The following IRAK1BP1 variants were observed in gnomAD, a reference collection of about 807,000 sequenced individuals.
IRAK1BP1 encodes interleukin-1 receptor-associated kinase 1-binding protein 1.
Under a neutral mutation model 28.0 loss-of-function variants are expected in IRAK1BP1, and 24 were observed. The observed-to-expected ratio is 0.86, with a 90% CI of 0.62 to 1.20. The LOEUF (loss-of-function observed/expected upper bound fraction) is 1.20. Ranked by LOEUF, IRAK1BP1 falls within the 50% of genes most tolerant of loss-of-function variation. The probability of loss-of-function intolerance (pLI) is 0.00; values close to 1 mark genes in which losing one functional copy is unlikely to be tolerated. For missense variants in IRAK1BP1, 336 were observed against 316.7 expected, an observed-to-expected ratio of 1.06 and a Z score of -0.46; for synonymous variants, 131 against 116.3, an observed-to-expected ratio of 1.13 and a Z score of -0.81.
At chr6:78,970,281 G>C in the IRAK1BP1 span, 1 of 853,446 alleles carries the variant, frequency 1.2e-6, no homozygotes, top group Non-Finnish European at 1.8e-6. Flanking sequence ...TGATCTGGAT[G>C]GTGATGACTG....
rs139059762 is a variant in IRAK1BP1 at position 78,876,862 on chromosome 6, C to T, written c.316-8516C>T. Among the ~76,000 whole-genome samples the T allele has an allele frequency of 5.6e-3, 850 of 152,274 alleles. 6 individuals are homozygous for T. Among genetic ancestry groups the T allele is most frequent in the African/African-American group, 0.02 (823 of 41,546 alleles). ...CAGATGTCCCCTAGGGCAAAATCATCTGGTGGAGAACCACTGCCCTATAGA... is the reference window on the plus strand; with the variant it reads ...CAGATGTCCCCTAGGGCAAAATCATTTGGTGGAGAACCACTGCCCTATAGA... On this transcript the variant is annotated intron_variant, in intron 1 of 3. Transcript: ENST00000369940.
At position 78,940,880 on chromosome 6, in the gene IRAK1BP1, T is replaced by C. The variant is rs765592130; in HGVS notation, c.*68-4528T>C. The C allele has an allele frequency of 1.4e-5, 22 of 1,613,874 alleles. No individual in the cohort carries two copies. The East Asian group carries it at 1.6e-4, about 11-fold the overall frequency. On this transcript the variant is annotated intron_variant and NMD_transcript_variant, in intron 4 of 4. Transcript: ENST00000606868. ...AGTTCTCATGTGGGGTTCAGAGCCT[T>C]TGAGTTCTTCAAACTCTTCTTCCTC...
At chr6:78,903,166 A>G (rs758524878), downstream of IRAK1BP1, 1 of 934,912 alleles carries the variant, frequency 1.1e-6, no homozygotes, top group Non-Finnish European at 1.6e-6. Flanking sequence ...AGCATACTGT[A>G]TTCTTTGCTA....
chr6:78,967,998 C>A, the IRAK1BP1 span, among the ~76,000 whole-genome samples: 1 of 151,952 alleles, frequency 6.6e-6, no homozygotes, highest in East Asian at 1.9e-4. Flanking sequence ...ATTAGCCAGG[C>A]GTGGTGGCAG....
the IRAK1BP1 span, among the ~76,000 whole-genome samples, chr6:78,974,244 A>G: frequency 6.6e-6 from 1 of 152,268 alleles, no homozygotes. Flanking sequence ...GCTCAACTAC[A>G]TGGAAACTGA....
chr6:78,898,293 T>C lies in IRAK1BP1; in HGVS notation c.742T>C (p.Phe248Leu), dbSNP rs1771969227. 1 of 1,604,964 alleles carries C rather than the reference T, an allele frequency of 6.2e-7. No individual in the cohort carries two copies. The highest frequency in any genetic ancestry group is 1.1e-5 in the South Asian group (1 of 88,774). The change falls in exon 4 of 4, where the codon TTT becomes CTT. Residue 248 changes from phenylalanine to leucine, a missense_variant. Physicochemically the swap from Phe to Leu is conservative, Grantham distance 22 (BLOSUM62 0). Coordinates refer to ENST00000369940, the MANE Select transcript of IRAK1BP1 (RefSeq NM_001010844.4). ...IHAASKVFITFEVKGKEKRKK... is the reference protein window; with the variant it reads ...IHAASKVFITLEVKGKEKRKK... The stretch of plus-strand genomic sequence containing the variant: ...TGCTGCTTCAAAAGTATTTATAACT[T>C]TTGAGGTAAAGGGAAAAGAGAAGAG...
downstream of IRAK1BP1, chr6:78,947,903 CCCT>C: frequency 1.1e-5 from 6 of 522,030 alleles, no homozygotes; most frequent in South Asian, 4.3e-5. Context: ...ACTCCTGTTC[CCCT>C]TATCAAGAGT....
At chr6:78,942,016 C>T (rs1773527392) in intron 4 of IRAK1BP1, among the ~76,000 whole-genome samples, 1 of 152,096 alleles carries the variant, frequency 6.6e-6, no homozygotes. Flanking sequence ...CAGGAACTAC[C>T]AGTAACTAAC....
intron 1 of IRAK1BP1, among the ~76,000 whole-genome samples, chr6:78,878,449 T>C (rs1252475939): frequency 1.3e-5 from 2 of 152,090 alleles, no homozygotes; most frequent in African/African-American, 4.8e-5. Flanking sequence ...ACTGTTAGAA[T>C]GAAAACTAAC....
At chr6:78,918,278 C>CA (rs1171675799) in intron 4 of IRAK1BP1, among the ~76,000 whole-genome samples, 1 of 152,018 alleles carries the variant, frequency 6.6e-6, no homozygotes, top group Non-Finnish European at 1.5e-5. Flanking sequence ...TCCTGAGTGA[C>CA]AGAGTAAGAC....
chr6:78,917,239 T>G (rs1246050064), intron 4 of IRAK1BP1, among the ~76,000 whole-genome samples: 1 of 151,778 alleles, frequency 6.6e-6, no homozygotes. Flanking sequence ...AACCAGAGCT[T>G]CTGGAATTGA....
chr6:78,933,269 G>T (rs1403373582), intron 4 of IRAK1BP1, among the ~76,000 whole-genome samples: 1 of 152,190 alleles, frequency 6.6e-6, no homozygotes. Context: ...TGGATAACTT[G>T]CTTCTTCATC....
intron 4 of IRAK1BP1, among the ~76,000 whole-genome samples, chr6:78,908,733 A>G (rs567998585): frequency 3.3e-5 from 5 of 152,204 alleles, no homozygotes; most frequent in Non-Finnish European, 5.9e-5. Flanking sequence ...TAGACACATA[A>G]TGGGGTGGAA....
intron 2 of IRAK1BP1, among the ~76,000 whole-genome samples, chr6:78,892,665 TAA>T (rs1330403275): frequency 2.0e-5 from 3 of 152,146 alleles, no homozygotes; most frequent in Non-Finnish European, 4.4e-5. Context: ...ACATAGTCAT[TAA>T]AAGTTATTTT....
chr6:78,941,739 T>A (rs1007960070), intron 4 of IRAK1BP1, among the ~76,000 whole-genome samples: 2 of 152,184 alleles, frequency 1.3e-5, no homozygotes, highest in African/African-American at 4.8e-5. Context: ...TGAAAAGTCC[T>A]ATCTCCTTGT....
chr6:78,924,282 T>G (rs1454346526), intron 4 of IRAK1BP1, among the ~76,000 whole-genome samples: 1 of 152,058 alleles, frequency 6.6e-6, no homozygotes, highest in Non-Finnish European at 1.5e-5. Flanking sequence ...GAGAATACTA[T>G]AAACACCTCT....
intron 1 of IRAK1BP1, chr6:78,871,152 A>G: frequency 2.0e-6 from 1 of 497,762 alleles, no homozygotes; most frequent in Non-Finnish European, 2.6e-6. Context: ...GAGCCAGTAG[A>G]TTTGGTATAT....
Position 78,902,953 on chromosome 6 carries a change from CT to C in IRAK1BP1, c.*4621del. 1 of 1,061,370 alleles carries C rather than the reference CT, an allele frequency of 9.4e-7. No homozygotes were observed. Among genetic ancestry groups the C allele is most frequent in the Middle Eastern group, 2.0e-4 (1 of 4,984 alleles). 65.7% of individuals were successfully genotyped at this position (1,061,370 alleles called of 1,614,324 possible). ...TTTCTACTATTAAAACAATAAAACT[CT>C]TATAAACCTGTTTATCAGAAGGATA... On this transcript the variant is annotated 3_prime_UTR_variant, in exon 4 of 4. Transcript: ENST00000369940.
At chr6:78,871,324 AG>A in intron 1 of IRAK1BP1, 6 of 985,000 alleles carry the variant, frequency 6.1e-6, no homozygotes, top group Non-Finnish European at 7.2e-6. Context: ...AGAGAGGACT[AG>A]GAGTAAATGC....
Sources: allele counts gnomAD v4.1 joint callset (sites outside exome capture counted in the v4.1 genomes callset), GRCh38; gene constraint gnomAD v4.1.1; transcripts MANE v1.5; gene names NCBI Gene and HGNC (gene_info 2026-07-23, HGNC 2026-07-21).